KCTD16: variants seen among roughly 807,000 people sequenced by gnomAD.
KCTD16 encodes the protein potassium channel tetramerization domain containing 16.
In KCTD16, 13 loss-of-function variants were observed where a neutral mutation model predicts 33.2. The observed-to-expected ratio is 0.39, with a 90% CI of 0.25 to 0.62. KCTD16 has a LOEUF of 0.62. Among genes scored for constraint, KCTD16 ranks in the 20% least tolerant of loss-of-function variants. The probability of loss-of-function intolerance (pLI) is 0.50; values close to 1 mark genes in which losing one functional copy is unlikely to be tolerated. For synonymous variants in KCTD16, 197 were observed against 195.3 expected (o/e 1.01, Z -0.07); for missense variants, 441 against 525.1 (o/e 0.84, Z 1.57).
chr5:144,328,634 G>A (rs1375156668), intron 3 of KCTD16, among the ~76,000 whole-genome samples: 2 of 151,498 alleles, frequency 1.3e-5, no homozygotes, highest in East Asian at 3.9e-4. Context: ...TAAACTAACT[G>A]TGGCTCCTAA....
intron 3 of KCTD16, among the ~76,000 whole-genome samples, chr5:144,299,064 ATATATATATT>A (rs1756130328): frequency 4.8e-5 from 4 of 84,032 alleles, no homozygotes; most frequent in African/African-American, 1.8e-4. Context: ...ATATATATAT[ATATATATATT>A]TTTGTATATA....
chr5:144,230,028 G>A (rs148389938), intron 3 of KCTD16, among the ~76,000 whole-genome samples: 172 of 152,284 alleles, frequency 1.1e-3, no homozygotes, highest in African/African-American at 3.2e-3. Context: ...TGTGGTCCTA[G>A]CTACATGGGA....
At chr5:144,444,058 G>A (rs558150981) in intron 3 of KCTD16, among the ~76,000 whole-genome samples, 20 of 151,910 alleles carry the variant, frequency 1.3e-4, no homozygotes, top group Non-Finnish European at 2.6e-4. Flanking sequence ...TGTCTCCAAG[G>A]AGGCCTGGTT....
At chr5:144,397,768 C>T (rs927819833) in intron 3 of KCTD16, among the ~76,000 whole-genome samples, 2 of 152,138 alleles carry the variant, frequency 1.3e-5, no homozygotes, top group Admixed American at 6.6e-5. Flanking sequence ...GGAGGCATCA[C>T]GCTACCTGAC....
chr5:144,217,619 T>C (rs760020730), intron 3 of KCTD16, among the ~76,000 whole-genome samples: 5 of 152,166 alleles, frequency 3.3e-5, no homozygotes, highest in Non-Finnish European at 7.3e-5. Context: ...TGAGGACCTG[T>C]CTTATATGAA....
At position 144,253,041 on chromosome 5, in the gene KCTD16, G is replaced by A. The variant is rs188342950; in HGVS notation, c.832+45495G>A. ...CCATTTCTAATTCTCTTAATAAAGT[G>A]AGTAGTGTTAAAAATATTATAATTT... On this transcript the variant is annotated intron_variant, in intron 3 of 3. Coordinates refer to ENST00000512467, the MANE Select transcript of KCTD16 (RefSeq NM_020768.4). Among the ~76,000 whole-genome samples the A allele has an allele frequency of 3.3e-3, 506 of 151,996 alleles. 1 individual carries two copies. Among genetic ancestry groups the A allele is most frequent in the African/African-American group, 0.012 (486 of 41,466 alleles).
chr5:144,272,614 A>G (rs1755330077), intron 3 of KCTD16, among the ~76,000 whole-genome samples: 1 of 152,214 alleles, frequency 6.6e-6, no homozygotes, highest in Non-Finnish European at 1.5e-5. Flanking sequence ...TGACATAAAG[A>G]CAAACATATA....
chr5:144,377,893 C>T (rs1426833766), intron 3 of KCTD16: 1 of 152,158 alleles, frequency 6.6e-6, no homozygotes, highest in African/African-American at 2.4e-5. Context: ...TGTTGCATCT[C>T]TTTTTCAATC....
At chr5:144,333,039 C>T (rs1201206465) in intron 3 of KCTD16, among the ~76,000 whole-genome samples, 1 of 152,154 alleles carries the variant, frequency 6.6e-6, no homozygotes, top group Non-Finnish European at 1.5e-5. Context: ...TCACCCTGGC[C>T]TTCCCACAAC....
Position 144,477,857 on chromosome 5 carries a change from T to G in KCTD16, c.*3743T>G, listed in dbSNP as rs2127005535. On this transcript the variant is annotated 3_prime_UTR_variant, in exon 4 of 4. Coordinates refer to ENST00000512467, the MANE Select transcript of KCTD16 (RefSeq NM_020768.4). ...ACCATGCCATGGAATTTGACTAGCC[T>G]TGGTCTTCTAGATGATCTTTACTAG... is the stretch of plus-strand genomic sequence containing the variant. 1 of 152,170 alleles carries G rather than the reference T, an allele frequency of 6.6e-6. No individual in the cohort carries two copies. Among genetic ancestry groups the G allele is most frequent in the Admixed American group, 6.5e-5 (1 of 15,276 alleles). The allele number at this position is 152,170 out of a possible 1,614,324, so 9.4% of individuals were successfully genotyped here.
intron 3 of KCTD16, among the ~76,000 whole-genome samples, chr5:144,274,051 GA>G (rs888471747): frequency 1.3e-4 from 20 of 149,430 alleles, no homozygotes; most frequent in South Asian, 1.0e-3. Context: ...ATAAAAAATA[GA>G]AAAAAAATCC....
At chr5:144,219,513 CTTTT>C (rs59442398) in intron 3 of KCTD16, among the ~76,000 whole-genome samples, 1 of 77,126 alleles carries the variant, frequency 1.3e-5, no homozygotes, top group Non-Finnish European at 2.3e-5. Flanking sequence ...TGTGCTGGGC[CTTTT>C]TTTTTTTTTT....
At chr5:144,331,219 CTGACTA>C (rs1268334105) in intron 3 of KCTD16, among the ~76,000 whole-genome samples, 5 of 152,290 alleles carry the variant, frequency 3.3e-5, no homozygotes, top group Admixed American at 2.0e-4. Context: ...ACTTGAGGCA[CTGACTA>C]TGGAGTGGGC....
Position 144,341,841 on chromosome 5 carries a change from G to T in KCTD16, c.833-131819G>T, listed in dbSNP as rs150428320. On this transcript the variant is annotated intron_variant, in intron 3 of 3. Coordinates refer to ENST00000512467, the MANE Select transcript of KCTD16 (RefSeq NM_020768.4). ...AATATGCTTAGCCCCATAGGAAATA[G>T]AAATGTTACTTTCTCGTTCTTTGTC... 1.9e-3 allele frequency among the ~76,000 whole-genome samples: 290 copies of T among 152,292 alleles called. 3 individuals are homozygous for T. The highest frequency in any genetic ancestry group is 6.8e-3 in the African/African-American group (281 of 41,566).
At chr5:144,190,421 T>C (rs1259570920) in intron 2 of KCTD16, among the ~76,000 whole-genome samples, 1 of 152,218 alleles carries the variant, frequency 6.6e-6, no homozygotes, top group East Asian at 1.9e-4. Context: ...GATGCCTCAC[T>C]TTCCTTTGTG....
intron 3 of KCTD16, among the ~76,000 whole-genome samples, chr5:144,209,546 T>C (rs1161129911): frequency 6.6e-6 from 1 of 152,030 alleles, no homozygotes; most frequent in African/African-American, 2.4e-5. Flanking sequence ...TCTTCCTCTG[T>C]CTTAGGACCA....
chr5:144,382,269 G>A (rs1485084071), intron 3 of KCTD16, among the ~76,000 whole-genome samples: 1 of 152,112 alleles, frequency 6.6e-6, no homozygotes, highest in Non-Finnish European at 1.5e-5. Context: ...TGGGAAGAGG[G>A]TGAAGGTACT....
At chr5:144,191,854 TTAG>T (rs1280978228) in intron 2 of KCTD16, among the ~76,000 whole-genome samples, 1 of 152,152 alleles carries the variant, frequency 6.6e-6, no homozygotes, top group African/African-American at 2.4e-5. Flanking sequence ...CAAATAAACT[TTAG>T]GCCTTTTCTG....
chr5:144,300,550 A>G (rs1751403818), intron 3 of KCTD16, among the ~76,000 whole-genome samples: 1 of 152,214 alleles, frequency 6.6e-6, no homozygotes, highest in Non-Finnish European at 1.5e-5. Flanking sequence ...TACACAAGTT[A>G]TAACTGACCT....
Sources: allele counts gnomAD v4.1 joint callset (sites outside exome capture counted in the v4.1 genomes callset), GRCh38; gene constraint gnomAD v4.1.1; transcripts MANE v1.5; gene names NCBI Gene and HGNC (gene_info 2026-07-23, HGNC 2026-07-21).